Variants in LY86 observed in about 807,000 individuals in gnomAD.
LY86 encodes MD-1, RP105-associated.
A neutral mutation model predicts 17.3 loss-of-function variants in LY86; 20 were observed. That is an observed-to-expected ratio of 1.15 (90% confidence interval 0.81 to 1.68). The LOEUF is 1.68. Among genes scored for constraint, LY86 ranks in the 40% most tolerant of loss-of-function variants. The pLI is 0.00. For missense variants in LY86, 200 were observed against 191.9 expected, an observed-to-expected ratio of 1.04 and a Z score of -0.25; for synonymous variants, 74 against 70.6, an observed-to-expected ratio of 1.05 and a Z score of -0.24.
At chr6:6,650,928 G>A (rs1762178597) in intron 4 of LY86, among the ~76,000 whole-genome samples, 1 of 151,916 alleles carries the variant, frequency 6.6e-6, no homozygotes, top group Non-Finnish European at 1.5e-5. Flanking sequence ...CTATCTCCAT[G>A]TGATCATGTT....
At position 6,625,019 on chromosome 6, in the gene LY86, A is replaced by T; in HGVS notation, c.223+7A>T. On this transcript the variant is annotated splice_region_variant and intron_variant, in intron 2 of 4. Coordinates refer to ENST00000230568, the MANE Select transcript of LY86 (RefSeq NM_004271.4). ...AGATTTGGAATTATTCTGAGTAAGT[A>T]AAAAAAATGATTAGCATGAAATAAA... is the stretch of plus-strand genomic sequence containing the variant. 2 of 1,252,880 alleles carry T rather than the reference A, an allele frequency of 1.6e-6. No homozygotes were observed. The highest frequency in any genetic ancestry group is 2.3e-6 in the Non-Finnish European group (2 of 873,808). The allele number at this position is 1,252,880 out of a possible 1,614,324, so 77.6% of individuals were successfully genotyped here.
At chr6:6,612,130 C>T (rs1446416002) in intron 1 of LY86, among the ~76,000 whole-genome samples, 1 of 152,112 alleles carries the variant, frequency 6.6e-6, no homozygotes, top group African/African-American at 2.4e-5. Flanking sequence ...ATCAGCTCAA[C>T]AACTCCTAAG....
At chr6:6,625,383 C>T (rs530598368) in intron 2 of LY86, among the ~76,000 whole-genome samples, 2 of 152,258 alleles carry the variant, frequency 1.3e-5, no homozygotes, top group African/African-American at 2.4e-5. Flanking sequence ...CTACTACCAG[C>T]GGTACGGTTT....
chr6:6,600,628 A>G (rs371429667), intron 1 of LY86, among the ~76,000 whole-genome samples: 103 of 122,690 alleles, frequency 8.4e-4, no homozygotes, highest in African/African-American at 3.1e-3. Context: ...AAAAAAAAAA[A>G]GAAAATATAG....
intron 1 of LY86, among the ~76,000 whole-genome samples, chr6:6,603,298 C>G (rs1056927514): frequency 6.6e-5 from 10 of 152,108 alleles, no homozygotes; most frequent in Non-Finnish European, 2.9e-5. Flanking sequence ...TCCTTGTGCA[C>G]TCGCATCTCT....
At chr6:6,614,822 G>A (rs1249119783) in intron 1 of LY86, among the ~76,000 whole-genome samples, 1 of 146,368 alleles carries the variant, frequency 6.8e-6, no homozygotes, top group African/African-American at 2.6e-5. Flanking sequence ...GAATTCTTGA[G>A]AGTCGCTTGG....
intron 1 of LY86, among the ~76,000 whole-genome samples, chr6:6,612,074 T>C (rs1017649669): frequency 9.2e-5 from 14 of 152,314 alleles, no homozygotes; most frequent in African/African-American, 3.1e-4. Context: ...GCCAATGTAT[T>C]AGCAAGATTT....
At chr6:6,605,953 AAAG>A (rs1479041128) in intron 1 of LY86, among the ~76,000 whole-genome samples, 3 of 152,034 alleles carry the variant, frequency 2.0e-5, no homozygotes, top group Non-Finnish European at 4.4e-5. Context: ...ATAACTCATA[AAAG>A]AAGCGTGGAC....
intron 1 of LY86, among the ~76,000 whole-genome samples, chr6:6,603,594 A>AAAAAAAAAC (rs770431806): frequency 7.7e-5 from 6 of 77,682 alleles, no homozygotes; most frequent in South Asian, 4.7e-4. Flanking sequence ...CCAAAAACAA[A>AAAAAAAAAC]AACAGAAACA....
At chr6:6,614,509 G>T (rs9392815) in intron 1 of LY86, among the ~76,000 whole-genome samples, 9,648 of 151,960 alleles carry the variant, frequency 0.063, 444 homozygotes, top group East Asian at 0.17. Flanking sequence ...CTCTGGTCTT[G>T]GCTCTCCCAG....
At chr6:6,630,585 A>G (rs7773275) in intron 3 of LY86, among the ~76,000 whole-genome samples, 1 of 152,090 alleles carries the variant, frequency 6.6e-6, no homozygotes, top group African/African-American at 2.4e-5. Flanking sequence ...AATGACCACA[A>G]CTAATTCCTA....
At chr6:6,617,087 A>G (rs1761572991) in intron 1 of LY86, among the ~76,000 whole-genome samples, 1 of 152,238 alleles carries the variant, frequency 6.6e-6, no homozygotes. Context: ...TCTATCCCAC[A>G]TGGACTGACT....
At chr6:6,645,805 C>A (rs1762098778) in intron 3 of LY86, among the ~76,000 whole-genome samples, 1 of 151,254 alleles carries the variant, frequency 6.6e-6, no homozygotes, top group Non-Finnish European at 1.5e-5. Context: ...CAGAAGACAC[C>A]CAATCCAGCC....
intron 1 of LY86, among the ~76,000 whole-genome samples, chr6:6,589,466 G>A (rs1165700766): frequency 6.6e-6 from 1 of 152,190 alleles, no homozygotes; most frequent in African/African-American, 2.4e-5. Context: ...TGTCACCCCA[G>A]CGGGCCAACC....
In LY86 at chr6:6,637,161, C is replaced by T. The variant is rs142679499; in HGVS notation, c.352+10740C>T. Among the ~76,000 whole-genome samples, 625 of 151,976 alleles carry T rather than the reference C, an allele frequency of 4.1e-3. 8 individuals carry two copies. Among genetic ancestry groups the T allele is most frequent in the African/African-American group, 0.014 (586 of 41,454 alleles). On this transcript the variant is annotated intron_variant, in intron 3 of 4. Coordinates refer to ENST00000230568, the MANE Select transcript of LY86 (RefSeq NM_004271.4). ...CCGAGGAGCTGGGACTAGAGGCGCC[C>T]GCCATCACGCTCGGCTAATTTTTGT...
intron 1 of LY86, among the ~76,000 whole-genome samples, chr6:6,607,044 C>A (rs1311759131): frequency 1.3e-5 from 2 of 152,332 alleles, no homozygotes; most frequent in South Asian, 2.1e-4. Context: ...TTGCACGGGA[C>A]GTGAACACTA....
intron 3 of LY86, among the ~76,000 whole-genome samples, chr6:6,641,222 C>G (rs980615618): frequency 6.6e-6 from 1 of 152,216 alleles, no homozygotes; most frequent in Non-Finnish European, 1.5e-5. Context: ...CTCCAACAAA[C>G]GGCCATTTGA....
At chr6:6,599,247 T>C (rs558984306) in intron 1 of LY86, among the ~76,000 whole-genome samples, 1 of 152,336 alleles carries the variant, frequency 6.6e-6, no homozygotes, top group Non-Finnish European at 1.5e-5. Flanking sequence ...TAAGTAATTC[T>C]GAAAGACAGA....
At position 6,649,673 on chromosome 6, in the gene LY86, C is replaced by A. The variant is rs757548710; in HGVS notation, c.401C>A (p.Pro134His). The change falls in exon 4 of 5, where the codon CCT becomes CAT. Residue 134 changes from proline to histidine, a missense_variant. By Grantham distance (77) the Pro-to-His change is moderately conservative. Transcript: ENST00000230568. ...GPVNNPEFTIPQGEYQVLLEL... is the reference protein window; with the variant it reads ...GPVNNPEFTIHQGEYQVLLEL... ...GTCAATAATCCTGAATTTACTATTC[C>A]TCAGGTAAGATATTACTTACTTCTT... 3 of 1,559,744 alleles carry A rather than the reference C, an allele frequency of 1.9e-6. No homozygotes were observed. The South Asian group carries it at 3.4e-5, about 18-fold the overall frequency.
Sources: allele counts gnomAD v4.1 joint callset (sites outside exome capture counted in the v4.1 genomes callset), GRCh38; gene constraint gnomAD v4.1.1; transcripts MANE v1.5; gene names NCBI Gene and HGNC (gene_info 2026-07-23, HGNC 2026-07-21).